TOM1L1: variants seen among roughly 807,000 people sequenced by gnomAD.
TOM1L1 encodes the protein TOM1-like protein 1.
TOM1L1 carries 64 observed loss-of-function variants against 63.4 expected under a neutral mutation model. The ratio of observed to expected loss-of-function variants is 1.01; its 90% CI spans 0.83 to 1.24. The LOEUF is 1.24. Ranked by LOEUF, TOM1L1 falls within the 50% of genes most tolerant of loss-of-function variation. TOM1L1 has a pLI of 0.00. For synonymous variants in TOM1L1, 166 were observed against 194.4 expected, an observed-to-expected ratio of 0.85 and a Z score of 1.22; for missense variants, 536 against 567.0, an observed-to-expected ratio of 0.95 and a Z score of 0.55.
intron 14 of TOM1L1, chr17:54,959,369 T>C (rs916358120): frequency 6.6e-6 from 1 of 152,120 alleles, no homozygotes; most frequent in Non-Finnish European, 1.5e-5. Context: ...TCCCAACATT[T>C]TGAGAGGCTG....
chr17:54,927,032 T>G (rs1031679123), intron 7 of TOM1L1, among the ~76,000 whole-genome samples: 6 of 152,240 alleles, frequency 3.9e-5, no homozygotes, highest in Non-Finnish European at 8.8e-5. Context: ...AAAGAAGAGT[T>G]GGAAGGACTT....
At position 54,937,117 on chromosome 17, in the gene TOM1L1, T is replaced by C. The variant is rs757570993; in HGVS notation, c.924T>C (p.Ser308=). The C allele has an allele frequency of 6.2e-7, 1 of 1,610,472 alleles. No individual in the cohort carries two copies. The highest frequency in any genetic ancestry group is 1.3e-5 in the African/African-American group (1 of 74,580). Residue 308 remains serine (S), a synonymous_variant, in exon 10 of 16, where the codon AGT becomes AGC. Coordinates refer to ENST00000575882, the MANE Select transcript of TOM1L1 (RefSeq NM_005486.3). ...TTTTGCTTTGTTTTCAGACTACCAG[T>C]GAGCCTTCTGCCCCATCTCAAGATC... The part of the protein sequence containing the change: ...KNQKEATNTT[S]EPSAPSQDLL...
intron 14 of TOM1L1, 65 bp downstream of exon 14, chr17:54,950,191 AG>A: frequency 7.8e-7 from 1 of 1,286,260 alleles, no homozygotes; most frequent in Non-Finnish European, 1.1e-6. Flanking sequence ...CAGAGCTAAC[AG>A]GGCTTGGTTA....
At chr17:54,937,060 G>A (rs1206175730) in intron 9 of TOM1L1, 49 bp from the exon 10 acceptor site, 1 of 1,439,518 alleles carries the variant, frequency 6.9e-7, no homozygotes, top group Non-Finnish European at 9.7e-7. Flanking sequence ...TGGGGAGAAA[G>A]CTGTGATAAA....
At chr17:54,928,764 G>A (rs750585846) in intron 7 of TOM1L1, among the ~76,000 whole-genome samples, 2 of 152,120 alleles carry the variant, frequency 1.3e-5, no homozygotes, top group African/African-American at 2.4e-5. Flanking sequence ...TTTTCTGGCC[G>A]CATGTTGCAA....
At chr17:54,938,146 T>A (rs534925022) in intron 10 of TOM1L1, 44 of 152,318 alleles carry the variant, frequency 2.9e-4, no homozygotes, top group African/African-American at 9.6e-4. Context: ...AGTTTTTAAT[T>A]GAGAATTTTC....
At position 54,943,443 on chromosome 17, in the gene TOM1L1, T is replaced by C. The variant is rs1439961657; in HGVS notation, c.1131-3818T>C. 5.2e-5 allele frequency among the ~76,000 whole-genome samples: 7 copies of C among 133,820 alleles called. No individual in the cohort carries two copies. The East Asian group carries it at 1.5e-3, about 29-fold the overall frequency. The allele number at this position is 133,820 out of a possible 152,430, so 87.8% of individuals were successfully genotyped here. A position where few individuals can be genotyped will look rare whatever the true frequency, so the allele number is the denominator to read the frequency against. On this transcript the variant is annotated intron_variant, in intron 11 of 15. Transcript: ENST00000575882. ...TTTTGACTGTATCTTTGTATAATGG[T>C]GTGTGTGTGTGTGTGTGTGTGTGTG...
intron 13 of TOM1L1, among the ~76,000 whole-genome samples, 157 bp downstream of exon 13, chr17:54,949,780 T>G (rs2049182323): frequency 6.6e-6 from 1 of 152,246 alleles, no homozygotes; most frequent in East Asian, 1.9e-4. Context: ...CCATTATGAC[T>G]GACTTATAAG....
chr17:54,919,770 G>A (rs1374910898), intron 7 of TOM1L1, among the ~76,000 whole-genome samples: 1 of 151,346 alleles, frequency 6.6e-6, no homozygotes, highest in Admixed American at 6.6e-5. Flanking sequence ...TCTGGTGTGG[G>A]GAGTGCTATT....
Position 54,936,657 on chromosome 17 carries a change from GA to G in TOM1L1, c.866del (p.Asn289ThrfsTer32). Reference sequence around the variant, plus strand: ...TTTGATCATTTAAACAGGTTTACTAGAAACCAACAAAGGATTTTGGAGCAAA... The same window carrying G: ...TTTGATCATTTAAACAGGTTTACTAGAACCAACAAAGGATTTTGGAGCAAA... ...NAILGYERFT[R>X]NQQRILEQNK... On this transcript the variant is annotated frameshift_variant, in exon 9 of 16. Coordinates refer to ENST00000575882, the MANE Select transcript of TOM1L1 (RefSeq NM_005486.3). LOFTEE classifies it high-confidence loss of function. 6.2e-7 allele frequency: 1 copy of G among 1,604,808 alleles called. No homozygotes were observed.
At chr17:54,924,131 A>C (rs966756327) in intron 7 of TOM1L1, among the ~76,000 whole-genome samples, 20 of 152,054 alleles carry the variant, frequency 1.3e-4, no homozygotes, top group East Asian at 3.9e-4. Context: ...TCTTTAGCCT[A>C]CTTCTGTTTC....
intron 11 of TOM1L1, among the ~76,000 whole-genome samples, chr17:54,946,036 C>T (rs141344913): frequency 5.8e-4 from 89 of 152,286 alleles, no homozygotes; most frequent in Non-Finnish European, 1.2e-3. Context: ...TGTAAACAAC[C>T]TGGCTAGATT....
chr17:54,930,175 G>T lies in TOM1L1; in HGVS notation c.823G>T (p.Asp275Tyr), dbSNP rs369435808. The change falls in exon 8 of 16, where the codon GAT (aspartate) becomes TAT (tyrosine). Residue 275 changes from aspartate to tyrosine, a missense_variant. Physicochemically the swap from Asp to Tyr is radical, Grantham distance 160. Coordinates refer to ENST00000575882, the MANE Select transcript of TOM1L1 (RefSeq NM_005486.3). Reference protein sequence around the residue: ...VTVELIQVNEDLNNAILGYER... With the variant: ...VTVELIQVNEYLNNAILGYER... ...TGTTGAGCTAATTCAGGTGAATGAGGATTTGAATAATGCTATCCTTGGATA... is the reference window on the plus strand; with the variant it reads ...TGTTGAGCTAATTCAGGTGAATGAGTATTTGAATAATGCTATCCTTGGATA... 1 of 1,614,084 alleles carries T rather than the reference G, an allele frequency of 6.2e-7. No individual in the cohort carries two copies. Among genetic ancestry groups the T allele is most frequent in the Non-Finnish European group, 8.5e-7 (1 of 1,179,988 alleles).
At chr17:54,915,668 A>G (rs2048575029) in intron 6 of TOM1L1, 78 bp from the exon 7 acceptor site, 1 of 985,246 alleles carries the variant, frequency 1.0e-6, no homozygotes, top group East Asian at 2.8e-5. Flanking sequence ...TCATCCAGCA[A>G]ATGTCCCATG....
chr17:54,948,415 C>T (rs1238416070), intron 12 of TOM1L1, among the ~76,000 whole-genome samples: 1 of 152,188 alleles, frequency 6.6e-6, no homozygotes, highest in Non-Finnish European at 1.5e-5. Context: ...CCAGGCTCAC[C>T]TCCTGCCCCT....
chr17:54,911,253 A>G (rs2048492730), intron 3 of TOM1L1, among the ~76,000 whole-genome samples: 1 of 152,008 alleles, frequency 6.6e-6, no homozygotes, highest in Admixed American at 6.5e-5. Flanking sequence ...TGTATTCCTG[A>G]TTTTGTGCTT....
chr17:54,956,308 CTAATT>C (rs1308671506), intron 14 of TOM1L1, among the ~76,000 whole-genome samples: 2 of 152,064 alleles, frequency 1.3e-5, no homozygotes, highest in African/African-American at 4.8e-5. Context: ...CCATGCCTGG[CTAATT>C]TAATTTTTTG....
chr17:54,947,112 T>C (rs2049132492), intron 11 of TOM1L1, 149 bp from the exon 12 acceptor site: 1 of 735,416 alleles, frequency 1.4e-6, no homozygotes, highest in South Asian at 1.7e-5. Flanking sequence ...CTAAAACCAA[T>C]TGTTTTATAA....
intron 7 of TOM1L1, among the ~76,000 whole-genome samples, chr17:54,918,373 T>A (rs1035970912): frequency 1.3e-5 from 2 of 152,224 alleles, no homozygotes; most frequent in Non-Finnish European, 2.9e-5. Flanking sequence ...GATATTCCTC[T>A]TAAGGAACTC....
Sources: allele counts gnomAD v4.1 joint callset (sites outside exome capture counted in the v4.1 genomes callset), GRCh38; gene constraint gnomAD v4.1.1; transcripts MANE v1.5; gene names NCBI Gene and HGNC (gene_info 2026-07-23, HGNC 2026-07-21).